FGF12: variants seen among roughly 807,000 people sequenced by gnomAD.
The protein encoded by FGF12 is fibroblast growth factor 12B.
Under a neutral mutation model 23.6 loss-of-function variants are expected in FGF12, and 14 were observed. The observed-to-expected ratio is 0.59, with a 90% CI of 0.39 to 0.93. The LOEUF (loss-of-function observed/expected upper bound fraction) is 0.93. Among genes scored for constraint, FGF12 ranks in the 40% least tolerant of loss-of-function variants. FGF12 has a pLI of 0.00. For synonymous variants in FGF12, 62 were observed against 77.3 expected (o/e 0.80, Z 1.04); for missense variants, 175 against 217.8 (o/e 0.80, Z 1.24).
At chr3:192,349,828 G>T (rs1718132993) in intron 3 of FGF12, among the ~76,000 whole-genome samples, 1 of 152,068 alleles carries the variant, frequency 6.6e-6, no homozygotes, top group African/African-American at 2.4e-5. Flanking sequence ...GCTGGGCATT[G>T]TCACGCAAAG....
chr3:192,572,351 A>G (rs1712675564), intron 2 of FGF12, among the ~76,000 whole-genome samples: 1 of 152,190 alleles, frequency 6.6e-6, no homozygotes, highest in African/African-American at 2.4e-5. Flanking sequence ...TAGCAAGGGG[A>G]AAATTCACAT....
intron 3 of FGF12, among the ~76,000 whole-genome samples, chr3:192,354,953 A>G (rs34517090): frequency 0.25 from 38,579 of 152,104 alleles, 6,062 homozygotes; most frequent in East Asian, 0.59. Context: ...CAGGTGATCC[A>G]CCCACCTCTG....
chr3:192,359,717 A>G (rs1432523818), intron 3 of FGF12, among the ~76,000 whole-genome samples: 1 of 151,982 alleles, frequency 6.6e-6, no homozygotes, highest in African/African-American at 2.4e-5. Context: ...TAACTTGTCA[A>G]CTCTAAAGTT....
chr3:192,201,091 A>G (rs1234994173), intron 4 of FGF12, among the ~76,000 whole-genome samples: 1 of 152,214 alleles, frequency 6.6e-6, no homozygotes, highest in Admixed American at 6.5e-5. Flanking sequence ...GGCCACTGGT[A>G]TATATCTCTT....
chr3:192,415,533 G>A (rs1721320892), intron 2 of FGF12, among the ~76,000 whole-genome samples: 1 of 151,966 alleles, frequency 6.6e-6, no homozygotes, highest in South Asian at 2.1e-4. Context: ...CAGGAAATAA[G>A]CTCAGGTAAC....
intron 4 of FGF12, among the ~76,000 whole-genome samples, chr3:192,311,917 T>C (rs1715958323): frequency 7.1e-6 from 1 of 140,524 alleles, no homozygotes; most frequent in Admixed American, 7.3e-5. Context: ...CACATTGCTA[T>C]TGACTGTCTG....
At position 192,480,551 on chromosome 3, in the gene FGF12, T is replaced by C. The variant is rs534434868; in HGVS notation, c.14-120013A>G. Reference sequence around the variant, plus strand: ...CTGAGACAAATGATGCTTCCATGTATAGAAACAATAAAAGAGCGAAGGTAT... The same window carrying C: ...CTGAGACAAATGATGCTTCCATGTACAGAAACAATAAAAGAGCGAAGGTAT... On this transcript the variant is annotated intron_variant, in intron 2 of 5. Transcript: ENST00000445105. Among the ~76,000 whole-genome samples, 12 of 152,282 alleles carry C rather than the reference T, an allele frequency of 7.9e-5. No homozygotes were observed. In the South Asian group the frequency reaches 2.3e-3, roughly 29 times the overall value.
At chr3:192,499,038 A>G (rs1395520857) in intron 2 of FGF12, among the ~76,000 whole-genome samples, 3 of 152,202 alleles carry the variant, frequency 2.0e-5, no homozygotes. Context: ...TCTCTCTCCA[A>G]GGTGATATAA....
chr3:192,568,808 G>C (rs1438096843), intron 2 of FGF12, among the ~76,000 whole-genome samples: 1 of 152,126 alleles, frequency 6.6e-6, no homozygotes, highest in Non-Finnish European at 1.5e-5. Context: ...CTGTGAGGTA[G>C]TGTTCAAGCA....
At chr3:192,616,613 T>C (rs1714763819) in intron 2 of FGF12, among the ~76,000 whole-genome samples, 1 of 151,958 alleles carries the variant, frequency 6.6e-6, no homozygotes, top group African/African-American at 2.4e-5. Flanking sequence ...AAAAAAGTAA[T>C]ATGGGCAGTG....
intron 4 of FGF12, among the ~76,000 whole-genome samples, chr3:192,241,388 T>G: frequency 6.6e-6 from 1 of 152,130 alleles, no homozygotes; most frequent in East Asian, 1.9e-4. Context: ...ATAAGTAATG[T>G]GAATATAAAT....
At chr3:192,332,103 C>T (rs543987436) in intron 4 of FGF12, among the ~76,000 whole-genome samples, 10 of 152,010 alleles carry the variant, frequency 6.6e-5, no homozygotes, top group Admixed American at 2.0e-4. Context: ...ATTAATTTAA[C>T]GATTAGCTAT....
intron 2 of FGF12, among the ~76,000 whole-genome samples, chr3:192,612,348 A>G (rs1485322219): frequency 3.3e-5 from 5 of 151,948 alleles, no homozygotes; most frequent in Non-Finnish European, 7.4e-5. Context: ...AAGTAAATGA[A>G]TCACTTGGAA....
chr3:192,434,326 G>A (rs142746130), intron 2 of FGF12, among the ~76,000 whole-genome samples: 2 of 152,260 alleles, frequency 1.3e-5, no homozygotes, highest in Non-Finnish European at 2.9e-5. Context: ...AACTGAGACA[G>A]ATCAAGCTCT....
chr3:192,332,487 T>C (rs1717175257), intron 4 of FGF12, among the ~76,000 whole-genome samples: 1 of 152,110 alleles, frequency 6.6e-6, no homozygotes, highest in Non-Finnish European at 1.5e-5. Context: ...TCTCATCAAA[T>C]ATATATATGG....
chr3:192,716,095 G>T (rs1718856834), intron 2 of FGF12, among the ~76,000 whole-genome samples: 1 of 152,190 alleles, frequency 6.6e-6, no homozygotes, highest in Non-Finnish European at 1.5e-5. Flanking sequence ...TCTACACCAG[G>T]TTTTCTCAAA....
At chr3:192,560,905 C>T (rs1711990936) in intron 2 of FGF12, among the ~76,000 whole-genome samples, 1 of 152,040 alleles carries the variant, frequency 6.6e-6, no homozygotes, top group Non-Finnish European at 1.5e-5. Flanking sequence ...CAAACAAAAC[C>T]TAGCAGAGTA....
chr3:192,663,333 G>A (rs1230448638), intron 2 of FGF12, among the ~76,000 whole-genome samples: 1 of 152,118 alleles, frequency 6.6e-6, no homozygotes, highest in African/African-American at 2.4e-5. Flanking sequence ...TACTCTCTTC[G>A]CAGAATTGTT....
At chr3:192,314,815 C>T (rs1716144956) in intron 4 of FGF12, among the ~76,000 whole-genome samples, 1 of 152,238 alleles carries the variant, frequency 6.6e-6, no homozygotes, top group Non-Finnish European at 1.5e-5. Context: ...CATATTGACA[C>T]CTCAAATTAC....
Sources: gnomAD v4.1 joint callset for allele counts (sites outside exome capture counted in the v4.1 genomes callset) on GRCh38, gnomAD v4.1.1 for gene constraint, MANE v1.5 for transcripts, NCBI Gene and HGNC (gene_info 2026-07-23, HGNC 2026-07-21) for gene names.